ATP9A: variants seen among roughly 807,000 people sequenced by gnomAD.
ATP9A encodes probable phospholipid-transporting ATPase IIA.
Under a neutral mutation model 144.1 loss-of-function variants are expected in ATP9A, and 52 were observed. The observed-to-expected ratio is 0.36, with a 90% CI of 0.29 to 0.45. The LOEUF (loss-of-function observed/expected upper bound fraction) is 0.45, where lower values mean the gene tolerates loss of function less well. ATP9A is among the 20% of genes least tolerant of loss of function. The pLI, the probability that ATP9A is intolerant of heterozygous loss-of-function variation, is 1.00. For synonymous variants in ATP9A, 582 were observed against 557.4 expected (o/e 1.04, Z -0.62); for missense variants, 947 against 1,392.7 (o/e 0.68, Z 5.09).
In ATP9A at chr20:51,704,182, T is replaced by TAAAA. The variant is rs11086355; in HGVS notation, c.437-6704_437-6701dup. On this transcript the variant is annotated intron_variant, in intron 4 of 27. Transcript: ENST00000338821. ...GGCTTTTGTTTAAATAGTGGGAACT[T>TAAAA]AAAAAAAAAAAAAAAAAAGGCTGCA... Among the ~76,000 whole-genome samples the TAAAA allele has an allele frequency of 2.8e-3, 365 of 130,504 alleles. 1 individual carries two copies. The highest frequency in any genetic ancestry group is 4.7e-3 in the Non-Finnish European group (290 of 61,072). 85.6% of individuals were successfully genotyped at this position (130,504 alleles called of 152,430 possible).
intron 3 of ATP9A, among the ~76,000 whole-genome samples, chr20:51,717,684 G>C (rs2077668209): frequency 6.6e-6 from 1 of 152,116 alleles, no homozygotes; most frequent in Non-Finnish European, 1.5e-5. Context: ...TGCCGAGTGT[G>C]GTGGCTCATT....
intron 1 of ATP9A, chr20:51,734,558 C>T (rs191549859): frequency 1.3e-5 from 2 of 152,372 alleles, no homozygotes; most frequent in Non-Finnish European, 2.9e-5. Flanking sequence ...TACAACCACA[C>T]ACAACCAGGC....
intron 2 of ATP9A, among the ~76,000 whole-genome samples, chr20:51,728,221 C>T (rs1475147165): frequency 6.6e-6 from 1 of 152,126 alleles, no homozygotes; most frequent in Admixed American, 6.6e-5. Context: ...GGAGTGTGGC[C>T]CAGTCTGCAT....
chr20:51,752,053 CA>C (rs5841860), intron 1 of ATP9A, among the ~76,000 whole-genome samples: 101,122 of 143,982 alleles, frequency 0.7, 34,752 homozygotes, highest in East Asian at 0.82. Flanking sequence ...GGAACAACAA[CA>C]AAAAAAAAAA....
intron 1 of ATP9A, among the ~76,000 whole-genome samples, chr20:51,747,223 G>A (rs771967494): frequency 1.3e-5 from 2 of 152,072 alleles, no homozygotes; most frequent in Non-Finnish European, 2.9e-5. Flanking sequence ...CTGTCTGGAG[G>A]AGAAATGGGA....
intron 1 of ATP9A, among the ~76,000 whole-genome samples, chr20:51,752,568 G>A (rs2077837111): frequency 6.6e-6 from 1 of 152,190 alleles, no homozygotes; most frequent in South Asian, 2.1e-4. Flanking sequence ...CTGTGAGTGT[G>A]TAGAGATCTG....
At chr20:51,679,227 G>C (rs2077490155) in intron 9 of ATP9A, among the ~76,000 whole-genome samples, 1 of 152,168 alleles carries the variant, frequency 6.6e-6, no homozygotes, top group South Asian at 2.1e-4. Flanking sequence ...GGGAGACTGA[G>C]GCAGGAGAAC....
At chr20:51,766,973 C>T (rs930203393) in intron 1 of ATP9A, among the ~76,000 whole-genome samples, 2 of 152,104 alleles carry the variant, frequency 1.3e-5, no homozygotes, top group Non-Finnish European at 2.9e-5. Flanking sequence ...ACCTCCGTAA[C>T]CTCCAGTTTC....
Position 51,642,725 on chromosome 20 carries a change from C to CA in ATP9A, c.1507-3222_1507-3221insT, listed in dbSNP as rs2077324975. On this transcript the variant is annotated intron_variant, in intron 14 of 27. Coordinates refer to ENST00000338821, the MANE Select transcript of ATP9A (RefSeq NM_006045.3). ...TGGGTGACTGAGTGAGACTCTGTCT[C>CA]CAAAAAAAAAAAAAAAAAAAAAAAA... is the stretch of plus-strand genomic sequence containing the variant. 7.6e-5 allele frequency among the ~76,000 whole-genome samples: 5 copies of CA among 65,588 alleles called. 1 individual carries two copies. The highest frequency in any genetic ancestry group is 2.6e-4 in the African/African-American group (4 of 15,142). 43.0% of individuals were successfully genotyped at this position (65,588 alleles called of 152,430 possible). A position where few individuals can be genotyped will look rare whatever the true frequency, so the allele number is the denominator to read the frequency against.
chr20:51,678,422 A>G (rs2077486352), intron 9 of ATP9A, among the ~76,000 whole-genome samples: 1 of 152,206 alleles, frequency 6.6e-6, no homozygotes, highest in African/African-American at 2.4e-5. Context: ...CACGTCCTGG[A>G]CAAAGAGCCC....
At chr20:51,762,166 G>A (rs1408696532) in intron 1 of ATP9A, among the ~76,000 whole-genome samples, 1 of 151,986 alleles carries the variant, frequency 6.6e-6, no homozygotes, top group African/African-American at 2.4e-5. Context: ...GGAGTTCAAG[G>A]CCAGCTTGGC....
chr20:51,601,451 C>T (rs1568779654), intron 27 of ATP9A, 104 bp from the exon 28 acceptor site: 12 of 1,217,908 alleles, frequency 9.9e-6, no homozygotes, highest in Non-Finnish European at 1.2e-5. Context: ...AGTCATCTCC[C>T]GTCACAAACC....
At chr20:51,615,424 A>C (rs991299979) in intron 22 of ATP9A, among the ~76,000 whole-genome samples, 1 of 152,178 alleles carries the variant, frequency 6.6e-6, no homozygotes, top group Non-Finnish European at 1.5e-5. Flanking sequence ...GATTTAAGTA[A>C]GCTGCACAAC....
Position 51,601,272 on chromosome 20 carries a change from T to C in ATP9A, c.3083A>G (p.Tyr1028Cys). The C allele has an allele frequency of 1.2e-6, 2 of 1,613,752 alleles. No individual in the cohort carries two copies. The highest frequency in any genetic ancestry group is 8.5e-7 in the Non-Finnish European group (1 of 1,179,852). ...VITLVSCLPLYVLKYLRRRFS... is the reference protein window; with the variant it reads ...VITLVSCLPLCVLKYLRRRFS... ...CCGTCTTCGCAGGTACTTGAGGACA[T>C]AGAGGGGGAGGCAGCTGACCAGAGT... is the stretch of plus-strand genomic sequence containing the variant. The change falls in exon 28 of 28, where the codon TAT (tyrosine) becomes TGT (cysteine). Residue 1028 changes from tyrosine to cysteine, a missense_variant. This residue lies in a region of ATP9A where 177 missense variants were observed against 344.9 expected (regional missense o/e 0.51). Transcript: ENST00000338821.
chr20:51,761,544 G>A (rs8114925), intron 1 of ATP9A, among the ~76,000 whole-genome samples: 15,017 of 151,982 alleles, frequency 0.099, 1,010 homozygotes, highest in African/African-American at 0.19. Context: ...GGCAGATCAC[G>A]AGGTCAGGAG....
At chr20:51,678,067 A>T (rs2077484428) in intron 9 of ATP9A, among the ~76,000 whole-genome samples, 1 of 127,820 alleles carries the variant, frequency 7.8e-6, no homozygotes, top group Admixed American at 8.5e-5. Context: ...ACGGCATCAC[A>T]GGGAGTGAGT....
chr20:51,725,332 G>A (rs1243142787), intron 3 of ATP9A, among the ~76,000 whole-genome samples: 1 of 152,042 alleles, frequency 6.6e-6, no homozygotes, highest in African/African-American at 2.4e-5. Context: ...ATGTTGCCCA[G>A]GCTGGTCTCA....
chr20:51,690,930 C>T, intron 7 of ATP9A, 111 bp from the exon 8 acceptor site: 8 of 856,590 alleles, frequency 9.3e-6, no homozygotes, highest in Middle Eastern at 4.5e-4. Context: ...CAGCAAATGG[C>T]CCCTCAAAAT....
chr20:51,656,515 T>C (rs2077387471), intron 14 of ATP9A, among the ~76,000 whole-genome samples: 1 of 151,950 alleles, frequency 6.6e-6, no homozygotes, highest in Admixed American at 6.6e-5. Flanking sequence ...ATCACGCCAC[T>C]GCACTCCAGC....
Sources: gnomAD v4.1 joint callset for allele counts (sites outside exome capture counted in the v4.1 genomes callset) on GRCh38, gnomAD v4.1.1 for gene constraint, gnomAD v4.1.1 regional missense constraint, MANE v1.5 for transcripts, NCBI Gene and HGNC (gene_info 2026-07-23, HGNC 2026-07-21) for gene names.